CAGE1: variants seen among roughly 807,000 people sequenced by gnomAD.
The protein encoded by CAGE1 is cancer-associated gene 1 protein.
CAGE1 carries 66 observed loss-of-function variants against 94.9 expected under a neutral mutation model. The ratio of observed to expected loss-of-function variants is 0.70; its 90% CI spans 0.57 to 0.85. The LOEUF (loss-of-function observed/expected upper bound fraction) is 0.85, where lower values mean the gene tolerates loss of function less well. Ranked by LOEUF, CAGE1 falls within the 40% of genes least tolerant of loss-of-function variation. CAGE1 has a pLI of 0.00. For missense variants in CAGE1, 865 were observed against 950.4 expected (o/e 0.91, Z 1.18); for synonymous variants, 319 against 321.0 (o/e 0.99, Z 0.07).
At position 7,351,103 on chromosome 6, in the gene CAGE1, A is replaced by G. The variant is rs984596867; in HGVS notation, c.2369+3938T>C. On this transcript the variant is annotated intron_variant, in intron 11 of 13. Transcript: ENST00000502583. ...AAAATCTAAATAACCTCATTAAGAAATGAAATAGCAGATATTACAACTGAC... is the reference window on the plus strand; with the variant it reads ...AAAATCTAAATAACCTCATTAAGAAGTGAAATAGCAGATATTACAACTGAC... Among the ~76,000 whole-genome samples, 6 of 152,332 alleles carry G rather than the reference A, an allele frequency of 3.9e-5. No individual in the cohort carries two copies. In the South Asian group the frequency reaches 1.2e-3, roughly 32 times the overall value.
In CAGE1 at chr6:7,387,130, G is replaced by A. The variant is rs905735603; in HGVS notation, c.44C>T (p.Pro15Leu). Residue 15 changes from proline (P) to leucine (L), a missense_variant, in exon 2 of 14, where the codon CCT (proline) becomes CTT (leucine). Physicochemically the swap from Pro to Leu is moderately conservative, Grantham distance 98. Coordinates refer to ENST00000502583, the MANE Select transcript of CAGE1 (RefSeq NM_001170692.2). ...YQKFWSSPSD[P>L]VHFEVDTSHE... ...AGAAGTATCCACTTCAAAATGTACAGGATCTGAAGGTGATGACCAAAATTT... is the reference window on the plus strand; with the variant it reads ...AGAAGTATCCACTTCAAAATGTACAAGATCTGAAGGTGATGACCAAAATTT... 3.2e-6 allele frequency: 5 copies of A among 1,551,166 alleles called. No individual in the cohort carries two copies. The African/African-American group carries it at 6.9e-5, about 21-fold the overall frequency.
chr6:7,368,125 C>T (rs903925888), intron 7 of CAGE1, among the ~76,000 whole-genome samples: 7 of 151,808 alleles, frequency 4.6e-5, no homozygotes, highest in Admixed American at 6.6e-5. Context: ...TGGCAGCACA[C>T]GCCTGTAATC....
Position 7,339,401 on chromosome 6 carries a change from CT to C in CAGE1, c.2370-5312del. 1 of 1,586,734 alleles carries C rather than the reference CT, an allele frequency of 6.3e-7. No homozygotes were observed. ...GCCGGCCCTTCTCACCAAGAACATT[CT>C]GTGTTCTGGTGGCTAAGACAATGAT... On this transcript the variant is annotated intron_variant, in intron 11 of 13. Transcript: ENST00000502583. The surrounding 1 kb of genome is among the most constrained non-coding windows in gnomAD (Gnocchi z 4.7).
At chr6:7,337,418 CAT>C (rs1758997448) in intron 11 of CAGE1, among the ~76,000 whole-genome samples, 1 of 150,898 alleles carries the variant, frequency 6.6e-6, no homozygotes, top group African/African-American at 2.4e-5. Flanking sequence ...CTTTTAGTGA[CAT>C]GTCTAAGAAA....
rs70978961 is a variant in CAGE1, at chr6:7,367,278, AT to A, written c.2005-1395del. ...AATATCTGAAAGAAATATTTGGGGG[AT>A]TTTTTTTTTTTTTTTGCTTTTTGTT... is the stretch of plus-strand genomic sequence containing the variant. On this transcript the variant is annotated intron_variant, in intron 7 of 13. Coordinates refer to ENST00000502583, the MANE Select transcript of CAGE1 (RefSeq NM_001170692.2). Among the ~76,000 whole-genome samples the A allele has an allele frequency of 4.0e-3, 439 of 111,084 alleles. 1 individual carries two copies. The highest frequency in any genetic ancestry group is 4.6e-3 in the Middle Eastern group (1 of 218). 72.9% of individuals were successfully genotyped at this position (111,084 alleles called of 152,430 possible). A position where few individuals can be genotyped will look rare whatever the true frequency, so the allele number is the denominator to read the frequency against.
chr6:7,338,988 G>A (rs1349251845), intron 11 of CAGE1: 12 of 1,607,662 alleles, frequency 7.5e-6, no homozygotes, highest in Non-Finnish European at 1.7e-6. Flanking sequence ...CTTACCAGTT[G>A]GGTCCCAGGG....
At chr6:7,366,966 T>C (rs927915676) in intron 7 of CAGE1, among the ~76,000 whole-genome samples, 3 of 152,206 alleles carry the variant, frequency 2.0e-5, no homozygotes, top group African/African-American at 7.2e-5. Context: ...TTCAGTATAA[T>C]AATAATCTTA....
At chr6:7,347,096 A>G (rs1759576695) in intron 11 of CAGE1, among the ~76,000 whole-genome samples, 1 of 152,138 alleles carries the variant, frequency 6.6e-6, no homozygotes, top group Non-Finnish European at 1.5e-5. Context: ...GGGAGGCAGG[A>G]CTAGATTGCA....
intron 7 of CAGE1, among the ~76,000 whole-genome samples, chr6:7,366,452 A>G (rs1286071566): frequency 6.6e-6 from 1 of 152,196 alleles, no homozygotes; most frequent in Non-Finnish European, 1.5e-5. Context: ...TCTCTGATGT[A>G]AATGGCTTAT....
chr6:7,373,732 C>A lies in CAGE1; in HGVS notation c.1087G>T (p.Glu363Ter). 1 of 1,612,732 alleles carries A rather than the reference C, an allele frequency of 6.2e-7. No individual in the cohort carries two copies. The highest frequency in any genetic ancestry group is 8.5e-7 in the Non-Finnish European group (1 of 1,179,088). ...VINKLKENVEELIEDKYKIIL... is the reference protein window; with the variant it reads ...VINKLKENVE ...ATTTTGTATTTGTCTTCAATTAATT[C>A]TTCAACATTCTCCTTTAGCTTATTG... is the stretch of plus-strand genomic sequence containing the variant. The change falls in exon 5 of 14, where the codon GAA (glutamate) becomes TAA (stop). Residue 363 changes from glutamate to a stop codon, truncating the protein, a stop_gained. Transcript: ENST00000502583. LOFTEE classifies it high-confidence loss of function.
At chr6:7,375,270 G>A (rs1179803934) in intron 4 of CAGE1, among the ~76,000 whole-genome samples, 4 of 151,874 alleles carry the variant, frequency 2.6e-5, no homozygotes, top group South Asian at 2.1e-4. Flanking sequence ...TTAGCTGCGC[G>A]TGGCGGTGTG....
At chr6:7,370,638 C>G (rs9505183) in intron 5 of CAGE1, among the ~76,000 whole-genome samples, 15,509 of 151,476 alleles carry the variant, frequency 0.1, 1,625 homozygotes, top group African/African-American at 0.26. Flanking sequence ...TTTTTTGAAA[C>G]AAAAAATTTG....
At chr6:7,344,645 G>A (rs1022274441) in intron 11 of CAGE1, among the ~76,000 whole-genome samples, 12 of 152,346 alleles carry the variant, frequency 7.9e-5, no homozygotes, top group Non-Finnish European at 1.3e-4. Flanking sequence ...TGCAGCCCCG[G>A]TGCCGGATCC....
At chr6:7,352,601 A>G (rs982432454) in intron 11 of CAGE1, among the ~76,000 whole-genome samples, 2 of 152,212 alleles carry the variant, frequency 1.3e-5, no homozygotes, top group Non-Finnish European at 2.9e-5. Context: ...AGACTAAGCA[A>G]AAAGAATAAA....
intron 3 of CAGE1, among the ~76,000 whole-genome samples, chr6:7,381,532 G>A (rs200753898): frequency 2.2e-5 from 3 of 134,588 alleles, no homozygotes; most frequent in African/African-American, 7.7e-5. Flanking sequence ...TTTCTATTAC[G>A]TGCCTTTTTT....
chr6:7,378,671 A>G lies in CAGE1; in HGVS notation c.633T>C (p.Ser211=), dbSNP rs770125847. 5.0e-6 allele frequency: 8 copies of G among 1,611,166 alleles called. No individual in the cohort carries two copies. The highest frequency in any genetic ancestry group is 1.1e-5 in the South Asian group (1 of 90,206). Residue 211 remains serine, a synonymous_variant, in exon 4 of 14, where the codon AGT becomes AGC. Transcript: ENST00000502583. ...GGTTGAGGGCAGATTCCTTGGCAAT[A>G]CTTTTAGCCAGTGACTTTTCTGTAA... is the stretch of plus-strand genomic sequence containing the variant. ...LKFTEKSLAK[S]IAKESALNPS... is the part of the protein sequence containing the mutation.
intron 11 of CAGE1, among the ~76,000 whole-genome samples, chr6:7,340,701 C>T (rs375132780): frequency 6.6e-6 from 1 of 152,180 alleles, no homozygotes; most frequent in Non-Finnish European, 1.5e-5. Flanking sequence ...TTAGTTGCAG[C>T]ACTGACAAAA....
intron 5 of CAGE1, among the ~76,000 whole-genome samples, chr6:7,372,839 G>A (rs899807876): frequency 6.6e-6 from 1 of 151,906 alleles, no homozygotes; most frequent in Non-Finnish European, 1.5e-5. Context: ...TGACAGATTG[G>A]CTGCTTTAAA....
chr6:7,344,178 G>A (rs1429905681), intron 11 of CAGE1, among the ~76,000 whole-genome samples: 2 of 152,192 alleles, frequency 1.3e-5, no homozygotes, highest in South Asian at 4.1e-4. Flanking sequence ...GGCTGGCCAC[G>A]GCCAGAGCTG....
Sources: allele counts gnomAD v4.1 joint callset (sites outside exome capture counted in the v4.1 genomes callset), GRCh38; gene constraint gnomAD v4.1.1; non-coding constraint Gnocchi (gnomAD v3.1); transcripts MANE v1.5; gene names NCBI Gene and HGNC (gene_info 2026-07-23, HGNC 2026-07-21).